The following FANCA variants were observed in gnomAD, a reference collection of about 807,000 sequenced individuals.
FANCA encodes the protein Fanconi anemia group A protein.
A neutral mutation model predicts 194.3 loss-of-function variants in FANCA; 236 were observed. The observed-to-expected ratio is 1.21, with a 90% CI of 1.09 to 1.35. FANCA has a LOEUF of 1.35. Ranked by LOEUF, FANCA falls within the 40% of genes most tolerant of loss-of-function variation. The probability of loss-of-function intolerance (pLI) is 0.00; values close to 1 mark genes in which losing one functional copy is unlikely to be tolerated. For missense variants in FANCA, 2,628 were observed against 1,813.9 expected, an observed-to-expected ratio of 1.45 and a Z score of -8.15; for synonymous variants, 1,014 against 715.8, an observed-to-expected ratio of 1.42 and a Z score of -6.65.
chr16:89,776,780 G>A (rs909656695), intron 20 of FANCA, among the ~76,000 whole-genome samples: 3 of 151,940 alleles, frequency 2.0e-5, no homozygotes, highest in African/African-American at 7.3e-5. Context: ...GCAGTGAGCC[G>A]AGATTGCGCC....
chr16:89,740,094 G>C lies in FANCA; in HGVS notation c.3834C>G (p.Thr1278=). The C allele has an allele frequency of 6.2e-7, 1 of 1,614,054 alleles. No individual in the cohort carries two copies. Among genetic ancestry groups the C allele is most frequent in the South Asian group, 1.1e-5 (1 of 91,070 alleles). The stretch of plus-strand genomic sequence containing the variant: ...CGTGGAAAGCCTTTGGCAGGTCTGT[G>C]GTGCTCTGTAAACCGCAGGAGACCA... ...LLSSHLTSNS[T]TDLPKAFHVC... The change falls in exon 39 of 43, where the codon ACC becomes ACG. Residue 1278 remains threonine, a synonymous_variant. Coordinates refer to ENST00000389301, the MANE Select transcript of FANCA (RefSeq NM_000135.4).
rs760885369 is a variant in FANCA at position 89,791,746 on chromosome 16, C to G, written c.1225+181G>C. 3 of 971,326 alleles carry G rather than the reference C, an allele frequency of 3.1e-6. No homozygotes were observed. The South Asian group carries it at 4.4e-5, about 14-fold the overall frequency. The allele number at this position is 971,326 out of a possible 1,614,324, so 60.2% of individuals were successfully genotyped here. On this transcript the variant is annotated intron_variant, in intron 13 of 42. Transcript: ENST00000389301. ...CAGTGGACACTCTGGCCTCTCAGAGCAGCAGTCAGTGCTTATGGAAGCGTC... is the reference window on the plus strand; with the variant it reads ...CAGTGGACACTCTGGCCTCTCAGAGGAGCAGTCAGTGCTTATGGAAGCGTC...
chr16:89,770,681 C>A (rs956369389), intron 23 of FANCA, 47 bp from the exon 24 acceptor site: 3 of 1,526,764 alleles, frequency 2.0e-6, no homozygotes, highest in Non-Finnish European at 2.7e-6. Context: ...GGGACGGGAG[C>A]AGCAGGAAGG....
In FANCA at chr16:89,814,607, C is replaced by G; in HGVS notation, c.196G>C (p.Gly66Arg). The change falls in exon 3 of 43, where the codon GGT becomes CGT. Residue 66 changes from glycine to arginine, a missense_variant. Physicochemically the swap from Gly to Arg is moderately radical, Grantham distance 125. Coordinates refer to ENST00000389301, the MANE Select transcript of FANCA (RefSeq NM_000135.4). ...DLNALLLEVE[G>R]PLCKKLSLSK... is the part of the protein sequence containing the mutation. ...AGAGACAATTTTTTACACAGTGGAC[C>G]TTCTACCTAGAATCCAAAACACAAC... is the stretch of plus-strand genomic sequence containing the variant. 6.2e-7 allele frequency: 1 copy of G among 1,612,392 alleles called. No homozygotes were observed. Among genetic ancestry groups the G allele is most frequent in the Non-Finnish European group, 8.5e-7 (1 of 1,178,512 alleles).
chr16:89,738,982 G>C lies in FANCA; in HGVS notation c.4168-8C>G, dbSNP rs1235913738. ...CAGTTCCACGGGGTTGCCCTAGAGA[G>C]AAAACAGGCAAACTCACAGGTTAGA... On this transcript the variant is annotated splice_polypyrimidine_tract_variant and splice_region_variant and intron_variant, in intron 41 of 42. Transcript: ENST00000389301. 1 of 1,614,238 alleles carries C rather than the reference G, an allele frequency of 6.2e-7. No individual in the cohort carries two copies. Among genetic ancestry groups the C allele is most frequent in the East Asian group, 2.2e-5 (1 of 44,880 alleles).
chr16:89,802,166 C>T (rs902837732), intron 8 of FANCA, among the ~76,000 whole-genome samples: 1 of 152,072 alleles, frequency 6.6e-6, no homozygotes, highest in Admixed American at 6.5e-5. Context: ...GTGCAAGGCG[C>T]AATCTTGGCT....
Position 89,771,727 on chromosome 16 carries a change from T to A in FANCA, c.2102A>T (p.Lys701Met). 1 of 1,614,198 alleles carries A rather than the reference T, an allele frequency of 6.2e-7. No individual in the cohort carries two copies. The highest frequency in any genetic ancestry group is 2.2e-5 in the East Asian group (1 of 44,888). ...CGGCGTGTTGATGCTGAGCTGAATC[T>A]TTGATATCTCAACGCTGCTGTCATC... ...NEDDSSVEIS[K>M]IQLSINTPRL... The change falls in exon 23 of 43, where the codon AAG becomes ATG. Residue 701 changes from lysine (K) to methionine (M), a missense_variant. Coordinates refer to ENST00000389301, the MANE Select transcript of FANCA (RefSeq NM_000135.4).
chr16:89,739,584 C>G, intron 39 of FANCA, 31 bp from the exon 40 acceptor site: 1 of 1,547,750 alleles, frequency 6.5e-7, no homozygotes, highest in Non-Finnish European at 8.7e-7. Context: ...TCAGGCAACT[C>G]TGGACATCTC....
At chr16:89,751,830 G>A (rs1437535310) in intron 31 of FANCA, among the ~76,000 whole-genome samples, 1 of 151,868 alleles carries the variant, frequency 6.6e-6, no homozygotes. Flanking sequence ...GAGTGCAGTG[G>A]CACAATCTCG....
At chr16:89,756,240 CAA>C (rs1878034553) in intron 30 of FANCA, among the ~76,000 whole-genome samples, 1 of 151,988 alleles carries the variant, frequency 6.6e-6, no homozygotes, top group Non-Finnish European at 1.5e-5. Context: ...CTAAAATGGC[CAA>C]TAAGAAAATG....
At chr16:89,745,163 G>C (rs1222585487) in intron 35 of FANCA, 92 bp from the exon 36 acceptor site, 1 of 1,158,666 alleles carries the variant, frequency 8.6e-7, no homozygotes, top group Non-Finnish European at 1.2e-6. Flanking sequence ...TGCTCCTACA[G>C]GCCACTACAG....
At chr16:89,770,931 C>A (rs998439187) in intron 23 of FANCA, among the ~76,000 whole-genome samples, 1 of 152,114 alleles carries the variant, frequency 6.6e-6, no homozygotes, top group African/African-American at 2.4e-5. Flanking sequence ...GGGCCAGAAA[C>A]AGCCTCTGTC....
At chr16:89,758,523 T>C (rs1488755335) in intron 30 of FANCA, 54 bp downstream of exon 30, 10 of 1,599,190 alleles carry the variant, frequency 6.3e-6, no homozygotes, top group Non-Finnish European at 8.6e-6. Context: ...CCTTTATATA[T>C]ATCCTATTAG....
At chr16:89,758,474 T>A in intron 30 of FANCA, 103 bp downstream of exon 30, 1 of 1,437,608 alleles carries the variant, frequency 7.0e-7, no homozygotes. Flanking sequence ...AGACCCACCC[T>A]AAGCTAATTA....
chr16:89,747,556 G>T (rs974089474), intron 33 of FANCA, among the ~76,000 whole-genome samples: 1 of 151,926 alleles, frequency 6.6e-6, no homozygotes, highest in East Asian at 1.9e-4. Flanking sequence ...AAACTTAGCC[G>T]GTCATGGCGG....
chr16:89,756,392 G>A (rs539238098), intron 30 of FANCA, among the ~76,000 whole-genome samples: 1 of 152,292 alleles, frequency 6.6e-6, no homozygotes, highest in East Asian at 1.9e-4. Context: ...ACTTTGGGAG[G>A]CCGAGGCGGG....
chr16:89,791,023 GTTTTTTT>G (rs11355118), intron 14 of FANCA: 49 of 94,776 alleles, frequency 5.2e-4, no homozygotes, highest in South Asian at 1.2e-3. Flanking sequence ...GTGTGTGTGT[GTTTTTTT>G]TTTTTTTTTT....
intron 38 of FANCA, 44 bp downstream of exon 38, chr16:89,740,760 C>G: frequency 6.3e-7 from 1 of 1,575,840 alleles, no homozygotes; most frequent in Non-Finnish European, 8.7e-7. Context: ...CCCTGCCTGG[C>G]CCACAGTGGG....
intron 14 of FANCA, among the ~76,000 whole-genome samples, chr16:89,789,309 G>C (rs111991096): frequency 8.6e-5 from 13 of 150,916 alleles, no homozygotes; most frequent in African/African-American, 2.4e-4. Context: ...GAAGGCCTGG[G>C]GGGGGAGCAG....
Sources: gnomAD v4.1 joint callset for allele counts (sites outside exome capture counted in the v4.1 genomes callset) on GRCh38, gnomAD v4.1.1 for gene constraint, MANE v1.5 for transcripts, NCBI Gene and HGNC (gene_info 2026-07-23, HGNC 2026-07-21) for gene names.